NXPH1: variants seen among roughly 807,000 people sequenced by gnomAD.
NXPH1 encodes neurexophilin 1, also known as neurexophilin-1.
A neutral mutation model predicts 23.7 loss-of-function variants in NXPH1; 5 were observed. That is an observed-to-expected ratio of 0.21 (90% CI 0.11 to 0.44). The LOEUF (loss-of-function observed/expected upper bound fraction) is 0.44. NXPH1 is among the 20% of genes least tolerant of loss of function. The pLI, the probability that NXPH1 is intolerant of heterozygous loss-of-function variation, is 0.99. For synonymous variants in NXPH1, 144 were observed against 122.2 expected (o/e 1.18, Z -1.18); for missense variants, 324 against 321.6 (o/e 1.01, Z -0.06).
chr7:8,634,140 A>G (rs931674460), intron 2 of NXPH1, among the ~76,000 whole-genome samples: 3 of 152,016 alleles, frequency 2.0e-5, no homozygotes, highest in Admixed American at 6.6e-5. Flanking sequence ...CTCAAATCTC[A>G]TCTTGAACTG....
Position 8,728,793 on chromosome 7 carries a change from C to A in NXPH1, c.55-22215C>A, listed in dbSNP as rs565208197. On this transcript the variant is annotated intron_variant, in intron 2 of 2. Transcript: ENST00000405863. ...AATATTCATCAAGGATATTGGTCTA[C>A]AATTCTCTTTTTTGGTTGTGTCTCT... is the stretch of plus-strand genomic sequence containing the variant. Among the ~76,000 whole-genome samples the A allele has an allele frequency of 1.7e-4, 26 of 152,006 alleles. No individual in the cohort carries two copies. In the South Asian group the frequency reaches 4.6e-3, roughly 27 times the overall value.
At chr7:8,719,371 G>C (rs1387621029) in intron 2 of NXPH1, among the ~76,000 whole-genome samples, 1 of 152,114 alleles carries the variant, frequency 6.6e-6, no homozygotes, top group Non-Finnish European at 1.5e-5. Flanking sequence ...GAAAGTAAAG[G>C]TTTCTCTGGA....
At position 8,691,484 on chromosome 7, in the gene NXPH1, CAAATT is replaced by C. The variant is rs1032283828; in HGVS notation, c.55-59521_55-59517del. ...CTTCTTAATGTCACCTCTACAAAAA[CAAATT>C]AAGGAATTTACACAATTTGGTATTG... On this transcript the variant is annotated intron_variant, in intron 2 of 2. Coordinates refer to ENST00000405863, the MANE Select transcript of NXPH1 (RefSeq NM_152745.3). Among the ~76,000 whole-genome samples the C allele has an allele frequency of 1.1e-4, 17 of 152,218 alleles. No individual in the cohort carries two copies. In the South Asian group the frequency reaches 2.7e-3, roughly 24 times the overall value.
At chr7:8,496,654 G>A (rs1817343032) in intron 2 of NXPH1, among the ~76,000 whole-genome samples, 1 of 151,990 alleles carries the variant, frequency 6.6e-6, no homozygotes, top group South Asian at 2.1e-4. Flanking sequence ...AACTTCTTGG[G>A]CCCCATCCCA....
chr7:8,652,981 C>A (rs1820513721), intron 2 of NXPH1, among the ~76,000 whole-genome samples: 1 of 151,994 alleles, frequency 6.6e-6, no homozygotes, highest in Non-Finnish European at 1.5e-5. Flanking sequence ...GGCCATTGAT[C>A]CTCCCACCTC....
At chr7:8,717,273 A>C (rs1263760601) in intron 2 of NXPH1, among the ~76,000 whole-genome samples, 1 of 152,144 alleles carries the variant, frequency 6.6e-6, no homozygotes, top group African/African-American at 2.4e-5. Flanking sequence ...AATGTTGAAA[A>C]TAATAAGAGT....
intron 2 of NXPH1, among the ~76,000 whole-genome samples, chr7:8,623,857 A>G: frequency 6.6e-6 from 1 of 151,880 alleles, no homozygotes; most frequent in Admixed American, 6.6e-5. Flanking sequence ...TCATACTCAG[A>G]CCCATACTCA....
intron 2 of NXPH1, among the ~76,000 whole-genome samples, chr7:8,747,017 CAACAGCTAAGACGACTATTG>C (rs1163428719): frequency 1.3e-5 from 2 of 152,126 alleles, no homozygotes; most frequent in East Asian, 3.9e-4. Flanking sequence ...CTGGTGATGA[CAACAGCTAAGACGACTATTG>C]AACAGTGTTC....
chr7:8,456,773 C>T (rs903038879), intron 2 of NXPH1, among the ~76,000 whole-genome samples: 2 of 152,106 alleles, frequency 1.3e-5, no homozygotes, highest in Non-Finnish European at 2.9e-5. Flanking sequence ...CTTTATGAGC[C>T]TTACAGTTTA....
chr7:8,557,309 T>A (rs182493766), intron 2 of NXPH1, among the ~76,000 whole-genome samples: 2 of 151,560 alleles, frequency 1.3e-5, no homozygotes. Context: ...AACAACAATG[T>A]GATTAGACCC....
At chr7:8,611,185 C>T (rs141516478) in intron 2 of NXPH1, among the ~76,000 whole-genome samples, 2 of 152,146 alleles carry the variant, frequency 1.3e-5, no homozygotes, top group Admixed American at 6.6e-5. Flanking sequence ...ATGATACATG[C>T]CATGATCAAA....
At chr7:8,604,988 T>A (rs1388386617) in intron 2 of NXPH1, among the ~76,000 whole-genome samples, 2 of 152,158 alleles carry the variant, frequency 1.3e-5, no homozygotes, top group African/African-American at 4.8e-5. Flanking sequence ...GATTCTTAAA[T>A]ATCACAACAT....
Position 8,662,371 on chromosome 7 carries a change from C to T in NXPH1, c.55-88637C>T, listed in dbSNP as rs533042611. On this transcript the variant is annotated intron_variant, in intron 2 of 2. Coordinates refer to ENST00000405863, the MANE Select transcript of NXPH1 (RefSeq NM_152745.3). ...TGGACAGTTGTTTTTTATTTATTTC[C>T]GTTCATAAATGTCAGAACAGGTACC... Among the ~76,000 whole-genome samples the T allele has an allele frequency of 5.3e-5, 8 of 150,652 alleles. No homozygotes were observed. In the South Asian group the frequency reaches 8.4e-4, roughly 16 times the overall value.
At chr7:8,697,358 A>G (rs1562457872) in intron 2 of NXPH1, among the ~76,000 whole-genome samples, 1 of 152,062 alleles carries the variant, frequency 6.6e-6, no homozygotes, top group Non-Finnish European at 1.5e-5. Flanking sequence ...AATGGATTAT[A>G]AGGGTAAGAA....
At chr7:8,662,165 T>C (rs1417411164) in intron 2 of NXPH1, among the ~76,000 whole-genome samples, 1 of 124,826 alleles carries the variant, frequency 8.0e-6, no homozygotes. Context: ...ACATGGCATA[T>C]GATTTTATAT....
intron 2 of NXPH1, among the ~76,000 whole-genome samples, chr7:8,467,941 G>A (rs1385541474): frequency 1.3e-5 from 2 of 152,070 alleles, no homozygotes; most frequent in Admixed American, 1.3e-4. Flanking sequence ...ATTATTGATT[G>A]TACTCTGTAG....
chr7:8,557,742 TC>T (rs1818383883), intron 2 of NXPH1, among the ~76,000 whole-genome samples: 1 of 151,644 alleles, frequency 6.6e-6, no homozygotes, highest in Non-Finnish European at 1.5e-5. Context: ...CCAGTGAAAT[TC>T]ATCTCTCACA....
chr7:8,440,024 G>A (rs938235309), intron 2 of NXPH1, among the ~76,000 whole-genome samples: 2 of 152,170 alleles, frequency 1.3e-5, no homozygotes, highest in Non-Finnish European at 2.9e-5. Context: ...GCTAGTTCTT[G>A]GAGGCAGTAC....
At chr7:8,622,526 C>G (rs1282930626) in intron 2 of NXPH1, among the ~76,000 whole-genome samples, 2 of 152,136 alleles carry the variant, frequency 1.3e-5, no homozygotes, top group African/African-American at 2.4e-5. Context: ...ACAAATGAGA[C>G]TTGGCATTTG....
Sources: allele counts gnomAD v4.1 joint callset (sites outside exome capture counted in the v4.1 genomes callset), GRCh38; gene constraint gnomAD v4.1.1; transcripts MANE v1.5; gene names NCBI Gene and HGNC (gene_info 2026-07-23, HGNC 2026-07-21).